Variants in SORCS3 observed in about 807,000 individuals in gnomAD.
SORCS3 encodes VPS10 domain-containing receptor SorCS3.
In SORCS3, 57 loss-of-function variants were observed where a neutral mutation model predicts 146.3. The ratio of observed to expected loss-of-function variants is 0.39; its 90% CI spans 0.31 to 0.49. The LOEUF (loss-of-function observed/expected upper bound fraction) is 0.49, where lower values mean the gene tolerates loss of function less well. Ranked by LOEUF, SORCS3 falls within the 20% of genes least tolerant of loss-of-function variation. The pLI is 0.92. For synonymous variants in SORCS3, 653 were observed against 618.5 expected, an observed-to-expected ratio of 1.06 and a Z score of -0.83; for missense variants, 1,341 against 1,575.5, an observed-to-expected ratio of 0.85 and a Z score of 2.52.
chr10:104,876,420 A>G (rs1175571081), intron 2 of SORCS3, among the ~76,000 whole-genome samples: 1 of 152,206 alleles, frequency 6.6e-6, no homozygotes, highest in Non-Finnish European at 1.5e-5. Flanking sequence ...TCTTCACATT[A>G]ATCTGTAGAA....
At chr10:104,834,620 T>C (rs1238119984) in intron 1 of SORCS3, among the ~76,000 whole-genome samples, 1 of 150,094 alleles carries the variant, frequency 6.7e-6, no homozygotes, top group East Asian at 2.0e-4. Context: ...CTTTTTAATG[T>C]ATTTCTCTTA....
intron 3 of SORCS3, among the ~76,000 whole-genome samples, chr10:104,950,698 C>A (rs991359789): frequency 1.3e-5 from 2 of 152,072 alleles, no homozygotes; most frequent in African/African-American, 4.8e-5. Flanking sequence ...GACTCAGACC[C>A]GGGGAAATTC....
intron 1 of SORCS3, among the ~76,000 whole-genome samples, chr10:104,753,829 A>G (rs1044139655): frequency 6.6e-6 from 1 of 152,236 alleles, no homozygotes; most frequent in African/African-American, 2.4e-5. Flanking sequence ...CAATGACCAA[A>G]AAGTCCAAGG....
At chr10:104,945,382 T>G (rs2019360116) in intron 3 of SORCS3, among the ~76,000 whole-genome samples, 1 of 151,804 alleles carries the variant, frequency 6.6e-6, no homozygotes, top group South Asian at 2.1e-4. Flanking sequence ...CTCAGCCTCC[T>G]GAGTAGCTGG....
chr10:104,953,951 A>G (rs893837667), intron 3 of SORCS3, among the ~76,000 whole-genome samples: 1 of 152,224 alleles, frequency 6.6e-6, no homozygotes, highest in East Asian at 1.9e-4. Context: ...AAACAGTGAC[A>G]TGGAGTAAAT....
chr10:104,990,237 T>C (rs1452284547), intron 4 of SORCS3, among the ~76,000 whole-genome samples: 4 of 152,226 alleles, frequency 2.6e-5, no homozygotes, highest in African/African-American at 9.7e-5. Context: ...ACATATGTCT[T>C]ATACTTTTTA....
In SORCS3 at chr10:105,147,718, G is replaced by T. The variant is rs1440419257; in HGVS notation, c.1404G>T (p.Gly468=). ...ACCTCTACATCTCAGACACGCGTGG[G>T]ATTTACTTCACTCTGGCCATGGAGA... The part of the protein sequence containing the change: ...TYNLYISDTR[G]IYFTLAMENI... The change falls in exon 9 of 27, where the codon GGG becomes GGT. Residue 468 remains glycine, a synonymous_variant. Transcript: ENST00000369701. 4 of 1,613,044 alleles carry T rather than the reference G, an allele frequency of 2.5e-6. No homozygotes were observed. The Admixed American group carries it at 6.7e-5, about 27-fold the overall frequency.
chr10:105,125,756 G>A (rs1262978136), intron 7 of SORCS3, among the ~76,000 whole-genome samples: 2 of 149,374 alleles, frequency 1.3e-5, no homozygotes, highest in Non-Finnish European at 2.9e-5. Context: ...GAAGACCTTC[G>A]GCTTAGGAAA....
chr10:104,806,882 A>G (rs2017684419), intron 1 of SORCS3, among the ~76,000 whole-genome samples: 2 of 152,180 alleles, frequency 1.3e-5, no homozygotes, highest in South Asian at 4.1e-4. Context: ...AATGAAACAC[A>G]TGGAAGAGAA....
chr10:104,725,781 CG>C (rs1160053759), intron 1 of SORCS3, among the ~76,000 whole-genome samples: 1 of 152,222 alleles, frequency 6.6e-6, no homozygotes, highest in East Asian at 1.9e-4. Flanking sequence ...GAGCCATGCG[CG>C]GGATATAATC....
rs139669509 is a variant in SORCS3, at chr10:104,982,141, G to A, written c.954+4648G>A. 3.7e-4 allele frequency among the ~76,000 whole-genome samples: 57 copies of A among 152,300 alleles called. No individual in the cohort carries two copies. The East Asian group carries it at 7.9e-3, about 21-fold the overall frequency. On this transcript the variant is annotated intron_variant, in intron 4 of 26. Transcript: ENST00000369701. ...GCTGACGGATTGACAGACTGGTTAA[G>A]CAGCTGATGCAGTGTTAGGCGTGGT...
At position 105,190,487 on chromosome 10, in the gene SORCS3, C is replaced by G. The variant is rs547554136; in HGVS notation, c.2010-9512C>G. On this transcript the variant is annotated intron_variant, in intron 14 of 26. Coordinates refer to ENST00000369701, the MANE Select transcript of SORCS3 (RefSeq NM_014978.3). ...GATCTCAGCTCACTGCAACCTCTGC[C>G]TCCCGGGTTTAAGCAGTTCTCCTGC... Among the ~76,000 whole-genome samples the G allele has an allele frequency of 3.1e-4, 47 of 152,210 alleles. 1 individual carries two copies. The South Asian group carries it at 9.5e-3, about 31-fold the overall frequency.
chr10:105,229,614 G>C lies in SORCS3; in HGVS notation c.2868+6365G>C, dbSNP rs117585617. Among the ~76,000 whole-genome samples the C allele has an allele frequency of 6.4e-3, 980 of 152,254 alleles. 3 individuals are homozygous for C. The highest frequency in any genetic ancestry group is 0.011 in the Non-Finnish European group (720 of 68,010). ...GTATAGTGTCTGTGTGATTTATTTTGCCTTAAATAGAATCAGTGGCAGCTG... is the reference window on the plus strand; with the variant it reads ...GTATAGTGTCTGTGTGATTTATTTTCCCTTAAATAGAATCAGTGGCAGCTG... On this transcript the variant is annotated intron_variant, in intron 20 of 26. Transcript: ENST00000369701.
At chr10:105,152,394 C>T (rs934872671) in intron 9 of SORCS3, among the ~76,000 whole-genome samples, 4 of 152,050 alleles carry the variant, frequency 2.6e-5, no homozygotes, top group African/African-American at 7.2e-5. Flanking sequence ...TTTCAGTATA[C>T]GTTCAATGTA....
chr10:105,039,580 C>T (rs761939750), intron 4 of SORCS3, among the ~76,000 whole-genome samples: 28 of 151,814 alleles, frequency 1.8e-4, no homozygotes, highest in Middle Eastern at 6.8e-3. Flanking sequence ...CCTCAGCCTC[C>T]CCAGTAGCTG....
chr10:104,870,298 T>A (rs1049370712), intron 2 of SORCS3, among the ~76,000 whole-genome samples: 1 of 152,222 alleles, frequency 6.6e-6, no homozygotes, highest in Admixed American at 6.5e-5. Context: ...GAAACACTGA[T>A]CCACCTTTAG....
At chr10:104,737,610 A>T (rs1489600550) in intron 1 of SORCS3, among the ~76,000 whole-genome samples, 5 of 152,096 alleles carry the variant, frequency 3.3e-5, no homozygotes, top group Non-Finnish European at 7.4e-5. Flanking sequence ...TCCTTTGCCC[A>T]CTTTTTGATG....
intron 1 of SORCS3, among the ~76,000 whole-genome samples, chr10:104,738,592 C>A (rs756555768): frequency 6.6e-6 from 1 of 152,132 alleles, no homozygotes; most frequent in Non-Finnish European, 1.5e-5. Context: ...TGGGACAGAT[C>A]TTTATGGGTT....
chr10:105,105,337 C>T (rs2055813379), intron 6 of SORCS3, 60 bp from the exon 7 acceptor site: 2 of 1,082,928 alleles, frequency 1.8e-6, no homozygotes, highest in Middle Eastern at 2.0e-4. Flanking sequence ...TTGTATGCTA[C>T]CTGGGGCTCC....
Sources: gnomAD v4.1 joint callset for allele counts (sites outside exome capture counted in the v4.1 genomes callset) on GRCh38, gnomAD v4.1.1 for gene constraint, MANE v1.5 for transcripts, NCBI Gene and HGNC (gene_info 2026-07-23, HGNC 2026-07-21) for gene names.